The following FABP6 variants were observed in gnomAD, a reference collection of about 807,000 sequenced individuals.
FABP6 encodes the protein gastrotropin.
A neutral mutation model predicts 14.9 loss-of-function variants in FABP6; 13 were observed. The observed-to-expected ratio is 0.87, with a 90% CI of 0.57 to 1.39. The LOEUF is 1.39. FABP6 is among the 40% of genes most tolerant of loss of function. FABP6 has a pLI of 0.00. For missense variants in FABP6, 161 were observed against 167.2 expected (o/e 0.96, Z 0.20); for synonymous variants, 75 against 63.6 (o/e 1.18, Z -0.85).
intron 2 of FABP6, among the ~76,000 whole-genome samples, chr5:160,212,570 G>A (rs541723852): frequency 1.3e-5 from 2 of 151,994 alleles, no homozygotes; most frequent in East Asian, 3.9e-4. Flanking sequence ...CCAGGTTCAC[G>A]CCATTCTCCT....
intron 1 of FABP6, among the ~76,000 whole-genome samples, chr5:160,194,868 C>T (rs548652547): frequency 3.1e-4 from 47 of 152,278 alleles, no homozygotes; most frequent in African/African-American, 1.1e-3. Flanking sequence ...TATTTGTTCC[C>T]GGAAAGCAGG....
intron 2 of FABP6, among the ~76,000 whole-genome samples, chr5:160,208,720 G>A (rs1000175296): frequency 6.6e-6 from 1 of 152,120 alleles, no homozygotes; most frequent in Non-Finnish European, 1.5e-5. Flanking sequence ...TTGAGGCCAG[G>A]CATGCAAGAC....
intron 2 of FABP6, chr5:160,199,254 C>T: frequency 7.9e-7 from 1 of 1,270,898 alleles, no homozygotes; most frequent in Non-Finnish European, 1.1e-6. Flanking sequence ...ACTTGCTCGC[C>T]TTTCTCTGTG....
At chr5:160,217,993 C>T (rs1561749804) in intron 3 of FABP6, among the ~76,000 whole-genome samples, 1 of 152,112 alleles carries the variant, frequency 6.6e-6, no homozygotes, top group East Asian at 1.9e-4. Context: ...GGAGGTAGTG[C>T]AGTGGCACAA....
At chr5:160,228,668 A>AGGCACCT, upstream of FABP6, 1 of 392,956 alleles carries the variant, frequency 2.5e-6, no homozygotes, top group Non-Finnish European at 5.1e-6. Flanking sequence ...GGCATCTTCA[A>AGGCACCT]GGCACCTGGC....
intron 1 of FABP6, 95 bp downstream of exon 1, chr5:160,229,719 C>T: frequency 8.9e-7 from 1 of 1,118,946 alleles, no homozygotes; most frequent in Admixed American, 1.8e-5. Context: ...AGGATTTCAT[C>T]CATTCATTCA....
In FABP6 at chr5:160,207,049, A is replaced by AT. The variant is rs370667009; in HGVS notation, c.52-6680dup. Among the ~76,000 whole-genome samples the AT allele has an allele frequency of 9.7e-3, 1,483 of 152,326 alleles. 29 individuals are homozygous for AT. The highest frequency in any genetic ancestry group is 0.034 in the African/African-American group (1,407 of 41,578). On this transcript the variant is annotated intron_variant, in intron 2 of 6. Transcript: ENST00000393980. ...TGAGTTAGACGTTGCATGAAAGTCA[A>AT]TTTTTTTCCCATTTATGCCACTGGG...
chr5:160,195,017 G>T (rs1056410598), intron 1 of FABP6, among the ~76,000 whole-genome samples: 2 of 152,178 alleles, frequency 1.3e-5, no homozygotes, highest in South Asian at 4.1e-4. Context: ...GGGTGCAGTG[G>T]CTCATGCCTG....
chr5:160,228,384 T>A (rs1450213840), upstream of FABP6: 1 of 454,588 alleles, frequency 2.2e-6, no homozygotes, highest in East Asian at 7.0e-5. Context: ...AGAGTGAAAC[T>A]CCATCTCAAA....
At chr5:160,205,939 T>C (rs969490440) in intron 2 of FABP6, among the ~76,000 whole-genome samples, 1 of 152,232 alleles carries the variant, frequency 6.6e-6, no homozygotes, top group Non-Finnish European at 1.5e-5. Flanking sequence ...ACTTGATTTA[T>C]TGTTCAAGGT....
chr5:160,209,699 C>CT (rs1360816134), intron 2 of FABP6, among the ~76,000 whole-genome samples: 3 of 146,412 alleles, frequency 2.0e-5, no homozygotes, highest in East Asian at 2.0e-4. Flanking sequence ...AAATCATCGT[C>CT]TTTTTTGTCT....
chr5:160,206,590 C>T (rs1389947248), intron 2 of FABP6, among the ~76,000 whole-genome samples: 1 of 152,084 alleles, frequency 6.6e-6, no homozygotes, highest in Non-Finnish European at 1.5e-5. Context: ...ATGTATAGTA[C>T]AACAGACATA....
At chr5:160,223,886 G>T (rs2113126085) in intron 3 of FABP6, among the ~76,000 whole-genome samples, 1 of 149,090 alleles carries the variant, frequency 6.7e-6, no homozygotes, top group South Asian at 2.1e-4. Context: ...GATCGCATGA[G>T]CCCAGGAGTT....
chr5:160,194,085 G>A (rs1387991661), intron 1 of FABP6, among the ~76,000 whole-genome samples: 1 of 152,204 alleles, frequency 6.6e-6, no homozygotes, highest in East Asian at 1.9e-4. Context: ...GCGCAGCGCC[G>A]GTGGGCCGGC....
chr5:160,235,247 C>T (rs544197991), intron 3 of FABP6, among the ~76,000 whole-genome samples: 10 of 152,254 alleles, frequency 6.6e-5, no homozygotes, highest in Admixed American at 2.0e-4. Flanking sequence ...GAAGATCCTT[C>T]CCAGAATATA....
intron 1 of FABP6, among the ~76,000 whole-genome samples, chr5:160,230,897 A>G (rs531409057): frequency 1.3e-5 from 2 of 152,342 alleles, no homozygotes; most frequent in Admixed American, 1.3e-4. Context: ...TTACTGTGCC[A>G]AACACTGTGG....
intron 2 of FABP6, among the ~76,000 whole-genome samples, chr5:160,202,563 A>G (rs1351764598): frequency 1.3e-5 from 2 of 152,116 alleles, no homozygotes; most frequent in African/African-American, 4.8e-5. Context: ...TTGGGAGGAC[A>G]AGGCAGGCAA....
intron 2 of FABP6, among the ~76,000 whole-genome samples, chr5:160,205,532 C>G: frequency 6.6e-6 from 1 of 152,162 alleles, no homozygotes; most frequent in Non-Finnish European, 1.5e-5. Flanking sequence ...AAGGCTGACT[C>G]CAACCCTGCT....
At chr5:160,224,205 C>T (rs76468928) in intron 3 of FABP6, among the ~76,000 whole-genome samples, 11,699 of 151,762 alleles carry the variant, frequency 0.077, 631 homozygotes, top group Admixed American at 0.19. Context: ...CACTGCACTC[C>T]GGCCTGGGCG....
Sources: allele counts gnomAD v4.1 joint callset (sites outside exome capture counted in the v4.1 genomes callset), GRCh38; gene constraint gnomAD v4.1.1; transcripts MANE v1.5; gene names NCBI Gene and HGNC (gene_info 2026-07-23, HGNC 2026-07-21).